PTK2: variants seen among roughly 807,000 people sequenced by gnomAD.
PTK2 encodes focal adhesion kinase 1.
In PTK2, 45 loss-of-function variants were observed where a neutral mutation model predicts 150.1. The observed-to-expected ratio is 0.30, with a 90% CI of 0.24 to 0.38. The LOEUF is 0.38. Among genes scored for constraint, PTK2 ranks in the 10% least tolerant of loss-of-function variants. The pLI, the probability that PTK2 is intolerant of heterozygous loss-of-function variation, is 1.00. For synonymous variants in PTK2, 432 were observed against 449.2 expected (o/e 0.96, Z 0.48); for missense variants, 919 against 1,307.3 (o/e 0.70, Z 4.58).
chr8:140,710,100 A>G (rs1427016010), intron 23 of PTK2, among the ~76,000 whole-genome samples: 2 of 152,142 alleles, frequency 1.3e-5, no homozygotes. Flanking sequence ...GATTGCTTTG[A>G]GCTCAGGAGT....
At chr8:140,895,160 T>C (rs1203564461) in intron 2 of PTK2, among the ~76,000 whole-genome samples, 1 of 152,192 alleles carries the variant, frequency 6.6e-6, no homozygotes, top group Non-Finnish European at 1.5e-5. Context: ...AAACTCAAAG[T>C]ATTTTGAATT....
chr8:140,730,711 C>T (rs991636110), intron 22 of PTK2, among the ~76,000 whole-genome samples: 1 of 151,998 alleles, frequency 6.6e-6, no homozygotes, highest in Non-Finnish European at 1.5e-5. Flanking sequence ...GTTTACTGCC[C>T]TAATTTGCCT....
intron 27 of PTK2, 100 bp from the exon 31 acceptor site, chr8:140,675,599 T>C (rs2100013168): frequency 2.3e-6 from 2 of 866,758 alleles, no homozygotes; most frequent in Admixed American, 2.2e-5. Flanking sequence ...ACTTCTAGGC[T>C]AGATTCTAGT....
At chr8:140,692,247 C>T (rs753620051) in intron 26 of PTK2, among the ~76,000 whole-genome samples, 5 of 152,178 alleles carry the variant, frequency 3.3e-5, no homozygotes, top group Non-Finnish European at 7.3e-5. Flanking sequence ...ATAGAGCATA[C>T]ACGGACCTCC....
chr8:140,706,074 T>TAAATAAC (rs2100033565), intron 24 of PTK2, 45 bp downstream of exon 27: 1 of 1,485,238 alleles, frequency 6.7e-7, no homozygotes, highest in African/African-American at 1.4e-5. Flanking sequence ...CCAAAAGCGC[T>TAAATAAC]AAATAATAAA....
At chr8:140,998,818 CAAAAAAAA>C (rs959649621) in intron 1 of PTK2, among the ~76,000 whole-genome samples, 1 of 53,514 alleles carries the variant, frequency 1.9e-5, no homozygotes, top group Non-Finnish European at 4.0e-5. Context: ...GACTCCGTCT[CAAAAAAAA>C]AAAAAAAAAA....
At chr8:140,676,380 A>AAATT (rs57904871) in intron 27 of PTK2, among the ~76,000 whole-genome samples, 1,831 of 131,538 alleles carry the variant, frequency 0.014, 15 homozygotes, top group Middle Eastern at 0.028. Flanking sequence ...TGTCTCAAAA[A>AAATT]AATTAATTAA....
chr8:140,670,717 C>G (rs1182149287), intron 29 of PTK2, among the ~76,000 whole-genome samples: 1 of 152,034 alleles, frequency 6.6e-6, no homozygotes, highest in Non-Finnish European at 1.5e-5. Flanking sequence ...GAGATGACTT[C>G]CTGTATTTTA....
chr8:140,965,853 G>T (rs1013349766), intron 1 of PTK2, among the ~76,000 whole-genome samples: 2 of 152,188 alleles, frequency 1.3e-5, no homozygotes. Flanking sequence ...CTCCAGCCTG[G>T]GTGACAGAGC....
chr8:140,922,667 C>A (rs186584697), intron 2 of PTK2, among the ~76,000 whole-genome samples: 58 of 152,278 alleles, frequency 3.8e-4, no homozygotes, highest in African/African-American at 1.1e-3. Context: ...TAGTAACCTA[C>A]AATTATATTC....
intron 1 of PTK2, among the ~76,000 whole-genome samples, chr8:140,966,052 C>T (rs975543161): frequency 7.8e-4 from 43 of 55,402 alleles, no homozygotes; most frequent in Non-Finnish European, 2.7e-3. Context: ...GCCTTTCCTG[C>T]CTTTCTATTA....
chr8:140,852,902 T>G (rs527813398), intron 5 of PTK2, among the ~76,000 whole-genome samples: 77 of 152,326 alleles, frequency 5.1e-4, no homozygotes, highest in African/African-American at 1.8e-3. Context: ...TCTTAGAAAC[T>G]AAACCCCTGA....
chr8:140,902,924 G>GTTTTTTGTTTTTTT lies in PTK2; in HGVS notation c.-32-12156_-32-12155insAAAAAAACAAAAAA, dbSNP rs2100159140. 4.6e-4 allele frequency among the ~76,000 whole-genome samples: 27 copies of GTTTTTTGTTTTTTT among 58,924 alleles called. 1 individual carries two copies. Among genetic ancestry groups the GTTTTTTGTTTTTTT allele is most frequent in the Non-Finnish European group, 6.8e-4 (18 of 26,310 alleles). The allele number at this position is 58,924 out of a possible 152,430, so 38.7% of individuals were successfully genotyped here. A position where few individuals can be genotyped will look rare whatever the true frequency, so the allele number is the denominator to read the frequency against. Reference sequence around the variant, plus strand: ...TTGCCTGTTCACTCTGATGAGAGTTGTTTTTTTTTTTTTTTTTTTTTTTTT... The same window carrying GTTTTTTGTTTTTTT: ...TTGCCTGTTCACTCTGATGAGAGTTGTTTTTTGTTTTTTTTTTTTTTTTTTTTTTTTTTTTTTTT... On this transcript the variant is annotated intron_variant, in intron 2 of 31. Coordinates refer to ENST00000522684, the Ensembl canonical transcript of PTK2.
At chr8:140,669,766 A>G (rs2094575265) in intron 29 of PTK2, 31 bp from the exon 33 acceptor site, 1 of 1,527,180 alleles carries the variant, frequency 6.5e-7, no homozygotes, top group Non-Finnish European at 8.8e-7. Context: ...AGGAAAAGTT[A>G]AAGGAATTTA....
intron 22 of PTK2, among the ~76,000 whole-genome samples, chr8:140,731,184 TCCTGA>T (rs1301665579): frequency 1.3e-5 from 2 of 152,070 alleles, no homozygotes. Context: ...TGTCTCGAGC[TCCTGA>T]CCTCAGGTGA....
chr8:140,952,284 T>C (rs555165895), intron 1 of PTK2, among the ~76,000 whole-genome samples: 51 of 152,224 alleles, frequency 3.4e-4, no homozygotes, highest in African/African-American at 1.2e-3. Flanking sequence ...TGCACTGTTA[T>C]AGGAAGAAAG....
intron 2 of PTK2, among the ~76,000 whole-genome samples, chr8:140,911,472 T>A (rs1243078108): frequency 1.3e-5 from 2 of 152,190 alleles, no homozygotes; most frequent in Admixed American, 6.5e-5. Flanking sequence ...AATAGAAAAA[T>A]GCTTGATTTT....
intron 14 of PTK2, among the ~76,000 whole-genome samples, chr8:140,772,697 A>T (rs1038019902): frequency 6.6e-6 from 1 of 151,328 alleles, no homozygotes; most frequent in Non-Finnish European, 1.5e-5. Context: ...ACATGGTTCA[A>T]GGAAAAAACT....
chr8:140,670,481 A>C (rs28483213), intron 29 of PTK2, among the ~76,000 whole-genome samples: 395 of 35,520 alleles, frequency 0.011, 11 homozygotes, highest in African/African-American at 0.025. Context: ...AAAAAAAAAA[A>C]AACAACAACA....
Sources: gnomAD v4.1 joint callset for allele counts (sites outside exome capture counted in the v4.1 genomes callset) on GRCh38, gnomAD v4.1.1 for gene constraint, MANE v1.5 for transcripts, NCBI Gene and HGNC (gene_info 2026-07-23, HGNC 2026-07-21) for gene names.